SLC2A13: variants seen among roughly 807,000 people sequenced by gnomAD.
SLC2A13 encodes the protein proton myo-inositol cotransporter.
In SLC2A13, 32 loss-of-function variants were observed where a neutral mutation model predicts 64.4. The observed-to-expected ratio is 0.50, with a 90% CI of 0.37 to 0.67. SLC2A13 has a LOEUF of 0.67. Among genes scored for constraint, SLC2A13 ranks in the 30% least tolerant of loss-of-function variants. The pLI, the probability that SLC2A13 is intolerant of heterozygous loss-of-function variation, is 0.00. For missense variants in SLC2A13, 743 were observed against 829.2 expected (o/e 0.90, Z 1.28); for synonymous variants, 338 against 327.1 (o/e 1.03, Z -0.36).
chr12:39,958,627 C>T (rs1401545858), intron 3 of SLC2A13, among the ~76,000 whole-genome samples: 1 of 152,156 alleles, frequency 6.6e-6, no homozygotes, highest in African/African-American at 2.4e-5. Flanking sequence ...GATAACAGAA[C>T]CATCAGGGCC....
At chr12:39,834,823 C>T (rs1942962988) in intron 6 of SLC2A13, among the ~76,000 whole-genome samples, 1 of 152,008 alleles carries the variant, frequency 6.6e-6, no homozygotes, top group Non-Finnish European at 1.5e-5. Context: ...CCAAATATTA[C>T]AAGATTCCCA....
chr12:39,772,981 G>T (rs1379045745), intron 7 of SLC2A13, among the ~76,000 whole-genome samples: 1 of 152,118 alleles, frequency 6.6e-6, no homozygotes, highest in East Asian at 1.9e-4. Context: ...CATCACACCT[G>T]ACCTTCAAAA....
chr12:40,011,557 T>A (rs1180250345), intron 3 of SLC2A13, among the ~76,000 whole-genome samples: 1 of 152,176 alleles, frequency 6.6e-6, no homozygotes, highest in African/African-American at 2.4e-5. Flanking sequence ...TAAGGTTTGA[T>A]CCTTAACATC....
chr12:40,027,257 T>C (rs1947828298), intron 3 of SLC2A13, among the ~76,000 whole-genome samples: 1 of 152,190 alleles, frequency 6.6e-6, no homozygotes, highest in Non-Finnish European at 1.5e-5. Flanking sequence ...ATCTTTGCAC[T>C]AATATGTTAC....
chr12:39,769,078 G>A (rs994631329), intron 7 of SLC2A13, among the ~76,000 whole-genome samples: 1 of 152,048 alleles, frequency 6.6e-6, no homozygotes, highest in African/African-American at 2.4e-5. Flanking sequence ...GCAGTGTTAT[G>A]AAACCATGCT....
At chr12:39,812,388 TTC>T (rs144685789) in intron 7 of SLC2A13, among the ~76,000 whole-genome samples, 38 of 124,814 alleles carry the variant, frequency 3.0e-4, no homozygotes, top group East Asian at 8.1e-4. Context: ...TTTTCTTTCT[TTC>T]TCTCTCTCTT....
chr12:39,879,169 G>A (rs771061823), intron 4 of SLC2A13, among the ~76,000 whole-genome samples: 9 of 152,236 alleles, frequency 5.9e-5, no homozygotes, highest in African/African-American at 9.6e-5. Flanking sequence ...TGGAGGATGC[G>A]TGAGAAAGCC....
intron 4 of SLC2A13, among the ~76,000 whole-genome samples, chr12:39,946,559 G>A (rs1946137844): frequency 6.6e-6 from 1 of 152,194 alleles, no homozygotes; most frequent in Non-Finnish European, 1.5e-5. Flanking sequence ...GGTTGAGGGT[G>A]AGATTCCCAG....
chr12:39,923,777 C>T (rs1945666082), intron 4 of SLC2A13, among the ~76,000 whole-genome samples: 1 of 150,820 alleles, frequency 6.6e-6, no homozygotes, highest in Non-Finnish European at 1.5e-5. Flanking sequence ...AAATGGAGAA[C>T]TGACTAGTAA....
At chr12:39,931,870 T>C (rs1253388590) in intron 4 of SLC2A13, among the ~76,000 whole-genome samples, 3 of 152,122 alleles carry the variant, frequency 2.0e-5, no homozygotes, top group Non-Finnish European at 4.4e-5. Flanking sequence ...TTATACTAAT[T>C]ACTAAAATAG....
At chr12:39,848,881 T>G (rs1943392181) in intron 6 of SLC2A13, among the ~76,000 whole-genome samples, 1 of 152,154 alleles carries the variant, frequency 6.6e-6, no homozygotes, top group Non-Finnish European at 1.5e-5. Context: ...GGAACATGGA[T>G]GGAGCTGGAG....
intron 4 of SLC2A13, among the ~76,000 whole-genome samples, chr12:39,943,732 T>G (rs974239166): frequency 1.7e-4 from 26 of 152,184 alleles, no homozygotes; most frequent in Admixed American, 2.0e-4. Flanking sequence ...CTTGGCTCCC[T>G]AGCAGGGAAG....
rs72398744 is a variant in SLC2A13, at chr12:39,923,668, G to GTATA, written c.1034+27585_1034+27588dup. ...AATCACAAATGTTATGTGATTATATGTATATATATATATATATATGCGCAC... is the reference window on the plus strand; with the variant it reads ...AATCACAAATGTTATGTGATTATATGTATATATATATATATATATATATGCGCAC... On this transcript the variant is annotated intron_variant, in intron 4 of 9. Transcript: ENST00000280871. Among the ~76,000 whole-genome samples the GTATA allele has an allele frequency of 8.9e-4, 95 of 106,572 alleles. 1 individual carries two copies. The highest frequency in any genetic ancestry group is 2.2e-3 in the African/African-American group (71 of 32,288). 69.9% of individuals were successfully genotyped at this position (106,572 alleles called of 152,430 possible).
At chr12:39,939,948 C>T (rs1945990524) in intron 4 of SLC2A13, among the ~76,000 whole-genome samples, 1 of 152,156 alleles carries the variant, frequency 6.6e-6, no homozygotes, top group African/African-American at 2.4e-5. Context: ...AAGCAATTAA[C>T]TGGCATGCCC....
rs568282417 is a variant in SLC2A13 at position 39,816,481 on chromosome 12, A to G, written c.1445+13622T>C. Among the ~76,000 whole-genome samples, 192 of 150,954 alleles carry G rather than the reference A, an allele frequency of 1.3e-3. 2 individuals carry two copies. The highest frequency in any genetic ancestry group is 4.6e-3 in the African/African-American group (188 of 41,236). Reference sequence around the variant, plus strand: ...GCATTAGGAGATATACCTAATGTAAATGACGAGTTAATGGGTGCAGCACAC... The same window carrying G: ...GCATTAGGAGATATACCTAATGTAAGTGACGAGTTAATGGGTGCAGCACAC... On this transcript the variant is annotated intron_variant, in intron 7 of 9. Transcript: ENST00000280871.
chr12:39,839,953 T>C (rs966211845), intron 6 of SLC2A13, among the ~76,000 whole-genome samples: 1 of 152,128 alleles, frequency 6.6e-6, no homozygotes, highest in Non-Finnish European at 1.5e-5. Context: ...TTGCAGAACA[T>C]TCATATTTAA....
intron 6 of SLC2A13, 164 bp from the exon 7 acceptor site, chr12:39,830,392 G>A (rs1592180631): frequency 1.5e-6 from 2 of 1,375,994 alleles, no homozygotes; most frequent in Non-Finnish European, 9.4e-7. Flanking sequence ...AGCCAGGTGA[G>A]AGCTGGCTGG....
In SLC2A13 at chr12:39,812,996, A is replaced by ATTTTTTTTTTTTTTTTTTTTT. The variant is rs71449493; in HGVS notation, c.1445+17086_1445+17106dup. On this transcript the variant is annotated intron_variant, in intron 7 of 9. Transcript: ENST00000280871. The stretch of plus-strand genomic sequence containing the variant: ...AGGCGCCTGACATCATGCCCAGCTA[A>ATTTTTTTTTTTTTTTTTTTTT]TTTTTTTTTTTTTTTTTTTTTTTTT... 4.4e-4 allele frequency among the ~76,000 whole-genome samples: 18 copies of ATTTTTTTTTTTTTTTTTTTTT among 40,616 alleles called. 7 individuals are homozygous for ATTTTTTTTTTTTTTTTTTTTT. The highest frequency in any genetic ancestry group is 6.7e-4 in the Non-Finnish European group (16 of 23,816). The allele number at this position is 40,616 out of a possible 152,430, so 26.6% of individuals were successfully genotyped here. A position where few individuals can be genotyped will look rare whatever the true frequency, so the allele number is the denominator to read the frequency against.
intron 3 of SLC2A13, among the ~76,000 whole-genome samples, chr12:39,967,742 T>G (rs1204803405): frequency 6.6e-6 from 1 of 152,164 alleles, no homozygotes; most frequent in African/African-American, 2.4e-5. Flanking sequence ...CATTGTCATA[T>G]ATATCCATTT....
Sources: gnomAD v4.1 joint callset for allele counts (sites outside exome capture counted in the v4.1 genomes callset) on GRCh38, gnomAD v4.1.1 for gene constraint, MANE v1.5 for transcripts, NCBI Gene and HGNC (gene_info 2026-07-23, HGNC 2026-07-21) for gene names.